The following HCFC2 variants were observed in gnomAD, a reference collection of about 807,000 sequenced individuals.
The protein encoded by HCFC2 is host cell factor C2.
Under a neutral mutation model 89.2 loss-of-function variants are expected in HCFC2, and 18 were observed. The ratio of observed to expected loss-of-function variants is 0.20; its 90% CI spans 0.14 to 0.30. The LOEUF (loss-of-function observed/expected upper bound fraction) is 0.30. Ranked by LOEUF, HCFC2 falls within the 10% of genes least tolerant of loss-of-function variation. The probability of loss-of-function intolerance (pLI) is 1.00; values close to 1 mark genes in which losing one functional copy is unlikely to be tolerated. For missense variants in HCFC2, 578 were observed against 956.1 expected (o/e 0.60, Z 5.21); for synonymous variants, 308 against 335.7 (o/e 0.92, Z 0.90).
intron 7 of HCFC2, among the ~76,000 whole-genome samples, chr12:104,085,775 G>A (rs1883818312): frequency 6.7e-6 from 1 of 150,342 alleles, no homozygotes; most frequent in Non-Finnish European, 1.5e-5. Context: ...AGAATTCCAT[G>A]AGGCTTTCTA....
Position 104,103,492 on chromosome 12 carries a change from ATATAGCTCTTT to A in HCFC2, c.*224_*234del, listed in dbSNP as rs1386836546. On this transcript the variant is annotated 3_prime_UTR_variant, in exon 15 of 15. Coordinates refer to ENST00000229330, the MANE Select transcript of HCFC2 (RefSeq NM_013320.3). ...TTAGTATATGAGTTCTTCCTTACAG[ATATAGCTCTTT>A]TATAAAGAAAAACAGTGAAATTAAG... is the stretch of plus-strand genomic sequence containing the variant. 1.2e-5 allele frequency: 6 copies of A among 487,752 alleles called. No homozygotes were observed. The highest frequency in any genetic ancestry group is 2.0e-5 in the African/African-American group (1 of 51,274). The allele number at this position is 487,752 out of a possible 1,614,324, so 30.2% of individuals were successfully genotyped here. A position where few individuals can be genotyped will look rare whatever the true frequency, so the allele number is the denominator to read the frequency against.
At chr12:104,072,704 G>A (rs987182110) in intron 3 of HCFC2, among the ~76,000 whole-genome samples, 2 of 151,404 alleles carry the variant, frequency 1.3e-5, no homozygotes, top group African/African-American at 2.4e-5. Context: ...GTGCAGTGGC[G>A]CAATCTCAGC....
In HCFC2 at chr12:104,068,654, T is replaced by TTTTG. The variant is rs1426905855; in HGVS notation, c.473+561_473+564dup. On this transcript the variant is annotated intron_variant, in intron 3 of 14. Transcript: ENST00000229330. The surrounding 1 kb of genome is among the most constrained non-coding windows in gnomAD (Gnocchi z 4.1). Reference sequence around the variant, plus strand: ...CTACCTCTTTTCTTTTCACATCATGTTTTGTTTGTTTGTTTGTATGTTGAG... The same window carrying TTTTG: ...CTACCTCTTTTCTTTTCACATCATGTTTTGTTTGTTTGTTTGTTTGTATGTTGAG... Among the ~76,000 whole-genome samples, 1 of 152,124 alleles carries TTTTG rather than the reference T, an allele frequency of 6.6e-6. No homozygotes were observed. The highest frequency in any genetic ancestry group is 1.5e-5 in the Non-Finnish European group (1 of 68,010).
At chr12:104,087,888 A>T in intron 8 of HCFC2, 98 bp from the exon 9 acceptor site, 1 of 590,572 alleles carries the variant, frequency 1.7e-6, no homozygotes, top group Non-Finnish European at 2.7e-6. Flanking sequence ...TAAAGATACT[A>T]CTTTTTAAAC....
In HCFC2 at chr12:104,103,972, T is replaced by C. The variant is rs2136632355; in HGVS notation, c.*699T>C. On this transcript the variant is annotated 3_prime_UTR_variant, in exon 15 of 15. Coordinates refer to ENST00000229330, the MANE Select transcript of HCFC2 (RefSeq NM_013320.3). ...ATTTTTGGCCAAAGCACTTAACTTATCTGGCCCTCATTTTCCTCATAACAG... is the reference window on the plus strand; with the variant it reads ...ATTTTTGGCCAAAGCACTTAACTTACCTGGCCCTCATTTTCCTCATAACAG... 6.6e-6 allele frequency: 1 copy of C among 152,216 alleles called. No homozygotes were observed. Among genetic ancestry groups the C allele is most frequent in the South Asian group, 2.1e-4 (1 of 4,830 alleles). 9.4% of individuals were successfully genotyped at this position (152,216 alleles called of 1,614,324 possible).
In HCFC2 at chr12:104,103,175, A is replaced by G. The variant is rs746602412; in HGVS notation, c.2281A>G (p.Ile761Val). 1.9e-6 allele frequency: 3 copies of G among 1,614,140 alleles called. No individual in the cohort carries two copies. The highest frequency in any genetic ancestry group is 1.1e-5 in the South Asian group (1 of 91,084). ...TATTGATTATACATCCAGGCCTGCC[A>G]TTGTGTTCAGGATATCAGCAAAGAA... ...AHIDYTSRPA[I>V]VFRISAKNEK... The change falls in exon 15 of 15, where the codon ATT becomes GTT. Residue 761 changes from isoleucine to valine, a missense_variant. By Grantham distance (29) the Ile-to-Val change is conservative. Around this residue, in one of 4 missense-constraint regions of HCFC2, gnomAD observed 140 missense variants for 266.4 expected, o/e 0.53. Coordinates refer to ENST00000229330, the MANE Select transcript of HCFC2 (RefSeq NM_013320.3).
Position 104,068,323 on chromosome 12 carries a change from A to G in HCFC2, c.473+216A>G, listed in dbSNP as rs1384014379. Among the ~76,000 whole-genome samples, 3 of 152,176 alleles carry G rather than the reference A, an allele frequency of 2.0e-5. No individual in the cohort carries two copies. Among genetic ancestry groups the G allele is most frequent in the Non-Finnish European group, 4.4e-5 (3 of 68,042 alleles). On this transcript the variant is annotated intron_variant, in intron 3 of 14. Transcript: ENST00000229330. This position sits in a 1 kb window ranked among gnomAD's most constrained non-coding sequence, Gnocchi z 4.1. ...TCTTCAGAAAGCATTGGAGCTAAAA[A>G]CAAAAAAACTGTGTCTTTCTAATGA...
rs1446370941 is a variant in HCFC2 at position 104,104,516 on chromosome 12, A to T, written c.*1243A>T. 6.6e-6 allele frequency: 1 copy of T among 151,996 alleles called. No homozygotes were observed. 9.4% of individuals were successfully genotyped at this position (151,996 alleles called of 1,614,324 possible). A position where few individuals can be genotyped will look rare whatever the true frequency, so the allele number is the denominator to read the frequency against. On this transcript the variant is annotated 3_prime_UTR_variant, in exon 15 of 15. Coordinates refer to ENST00000229330, the MANE Select transcript of HCFC2 (RefSeq NM_013320.3). ...TCAAACTAAGAGCTTCAATAACTGC[A>T]GGGGCACAGGTCTATCTTTTTTTAT...
intron 7 of HCFC2, among the ~76,000 whole-genome samples, chr12:104,083,246 G>A (rs1288754332): frequency 6.6e-6 from 1 of 152,140 alleles, no homozygotes; most frequent in Non-Finnish European, 1.5e-5. Context: ...TGATAAGTTA[G>A]TATCATTTAC....
intron 7 of HCFC2, among the ~76,000 whole-genome samples, chr12:104,085,669 A>G (rs994575208): frequency 2.6e-5 from 4 of 151,466 alleles, no homozygotes; most frequent in South Asian, 4.1e-4. Flanking sequence ...ATAAGTTAGC[A>G]TCAGTTTTGG....
rs560513419 is a variant in HCFC2 at position 104,097,798 on chromosome 12, A to C, written c.1741-545A>C. ...TAAAAAATGTAAAACTGTTTAATAT[A>C]CTCCTCTTTAGTATATACCAAAGTA... On this transcript the variant is annotated intron_variant, in intron 12 of 14. Transcript: ENST00000229330. 4 of 195,446 alleles carry C rather than the reference A, an allele frequency of 2.0e-5. No homozygotes were observed. The South Asian group carries it at 7.1e-4, about 35-fold the overall frequency. 12.1% of individuals were successfully genotyped at this position (195,446 alleles called of 1,614,324 possible).
rs1276783402 is a variant in HCFC2, at chr12:104,103,219, A to G, written c.2325A>G (p.Pro775=). ...ISAKNEKGYG[P]ATQVRWLQGN... ...CAAAGAATGAAAAGGGATATGGACC[A>G]GCTACACAAGTTCGGTGGCTTCAAG... The change falls in exon 15 of 15, where the codon CCA becomes CCG. Residue 775 remains proline, a synonymous_variant. Coordinates refer to ENST00000229330, the MANE Select transcript of HCFC2 (RefSeq NM_013320.3). 1 of 1,614,046 alleles carries G rather than the reference A, an allele frequency of 6.2e-7. No homozygotes were observed. Among genetic ancestry groups the G allele is most frequent in the East Asian group, 2.2e-5 (1 of 44,876 alleles).
intron 13 of HCFC2, among the ~76,000 whole-genome samples, chr12:104,099,287 G>A (rs906772944): frequency 2.0e-5 from 3 of 152,206 alleles, no homozygotes; most frequent in African/African-American, 4.8e-5. Context: ...CTGCCCCTAC[G>A]ATCCAATCAC....
chr12:104,076,075 AT>A (rs1883485998), intron 3 of HCFC2, among the ~76,000 whole-genome samples: 2 of 152,336 alleles, frequency 1.3e-5, no homozygotes, highest in Admixed American at 1.3e-4. Flanking sequence ...TTGTGATTCC[AT>A]AGGTGCTCAT....
At chr12:104,093,680 C>A in intron 10 of HCFC2, 117 bp downstream of exon 10, 1 of 770,018 alleles carries the variant, frequency 1.3e-6, no homozygotes, top group Non-Finnish European at 2.1e-6. Flanking sequence ...CAAAAAACTG[C>A]CATATTCAAC....
chr12:104,095,347 C>T lies in HCFC2; in HGVS notation c.1463-13C>T. ...ATATCATATTAATAATTACCTTTTC[C>T]CTTTTATTTTAGGTCCTCACACTTC... is the stretch of plus-strand genomic sequence containing the variant. On this transcript the variant is annotated splice_polypyrimidine_tract_variant and intron_variant, in intron 10 of 14. Coordinates refer to ENST00000229330, the MANE Select transcript of HCFC2 (RefSeq NM_013320.3). The surrounding 1 kb of genome is among the most constrained non-coding windows in gnomAD (Gnocchi z 4.2). 6.3e-7 allele frequency: 1 copy of T among 1,589,968 alleles called. No individual in the cohort carries two copies. The highest frequency in any genetic ancestry group is 8.6e-7 in the Non-Finnish European group (1 of 1,159,032).
chr12:104,072,239 G>A (rs1259918651), intron 3 of HCFC2, among the ~76,000 whole-genome samples: 1 of 152,132 alleles, frequency 6.6e-6, no homozygotes, highest in Non-Finnish European at 1.5e-5. Context: ...GGGTGTAGTG[G>A]TATGTGCCTG....
intron 8 of HCFC2, 116 bp downstream of exon 8, chr12:104,087,130 G>A: frequency 1.1e-6 from 1 of 921,208 alleles, no homozygotes; most frequent in East Asian, 3.0e-5. Flanking sequence ...TGAGGCAGGT[G>A]GATCACCTGA....
Position 104,096,442 on chromosome 12 carries a change from A to G in HCFC2, c.1740+9A>G, listed in dbSNP as rs995452220. On this transcript the variant is annotated intron_variant, in intron 12 of 14. Transcript: ENST00000229330. ...CAGCAACGCCGTTTTCTGTAAGTAC[A>G]TGACCTGGTGATGATGCATGTTTAC... 3.1e-6 allele frequency: 5 copies of G among 1,596,488 alleles called. No individual in the cohort carries two copies. Among genetic ancestry groups the G allele is most frequent in the South Asian group, 2.2e-5 (2 of 89,556 alleles).
Sources: allele counts gnomAD v4.1 joint callset (sites outside exome capture counted in the v4.1 genomes callset), GRCh38; gene constraint gnomAD v4.1.1; regional missense constraint gnomAD v4.1.1; non-coding constraint Gnocchi (gnomAD v3.1); transcripts MANE v1.5; gene names NCBI Gene and HGNC (gene_info 2026-07-23, HGNC 2026-07-21).